The following SAP130 variants were observed in gnomAD, a reference collection of about 807,000 sequenced individuals.
SAP130 encodes the protein Sin3A associated protein 130.
SAP130 carries 16 observed loss-of-function variants against 103.2 expected under a neutral mutation model. That is an observed-to-expected ratio of 0.16 (90% CI 0.10 to 0.24). The LOEUF (loss-of-function observed/expected upper bound fraction) is 0.24, where lower values mean the gene tolerates loss of function less well. SAP130 is among the 10% of genes least tolerant of loss of function. The pLI is 1.00. For synonymous variants in SAP130, 477 were observed against 497.0 expected (o/e 0.96, Z 0.53); for missense variants, 990 against 1,359.7 (o/e 0.73, Z 4.28).
chr2:128,023,990 C>G (rs981251278), intron 2 of SAP130, among the ~76,000 whole-genome samples: 3 of 150,250 alleles, frequency 2.0e-5, no homozygotes, highest in African/African-American at 7.3e-5. Context: ...AAGGAATTAG[C>G]CAAATAAGTA....
chr2:127,978,199 C>A, intron 14 of SAP130, 110 bp from the exon 15 acceptor site: 8 of 727,116 alleles, frequency 1.1e-5, no homozygotes, highest in Non-Finnish European at 1.7e-5. Context: ...TAAAGCCCTA[C>A]ATTGACTAAG....
intron 15 of SAP130, among the ~76,000 whole-genome samples, chr2:127,975,741 T>C (rs868777450): frequency 2.6e-5 from 4 of 152,148 alleles, no homozygotes; most frequent in Non-Finnish European, 5.9e-5. Flanking sequence ...CACAGAAAGA[T>C]GGTACTATAA....
chr2:128,007,534 T>C (rs1230841776), intron 7 of SAP130, among the ~76,000 whole-genome samples: 1 of 152,216 alleles, frequency 6.6e-6, no homozygotes, highest in African/African-American at 2.4e-5. Flanking sequence ...TTTTATAAAG[T>C]TAAAATGAGC....
intron 15 of SAP130, among the ~76,000 whole-genome samples, chr2:127,963,650 T>A (rs1157582463): frequency 6.6e-6 from 1 of 152,206 alleles, no homozygotes; most frequent in East Asian, 1.9e-4. Context: ...GATTCCTATG[T>A]GTTACGAGAG....
At chr2:128,002,116 G>A (rs1040464782) in intron 7 of SAP130, among the ~76,000 whole-genome samples, 2 of 152,078 alleles carry the variant, frequency 1.3e-5, no homozygotes, top group East Asian at 1.9e-4. Flanking sequence ...TAGTAGAGAC[G>A]TGGTTTCACA....
intron 11 of SAP130, among the ~76,000 whole-genome samples, chr2:127,994,134 T>A (rs1683012329): frequency 6.6e-6 from 1 of 152,182 alleles, no homozygotes; most frequent in Non-Finnish European, 1.5e-5. Flanking sequence ...TCTATTCATG[T>A]TTTAGATAAA....
At chr2:128,009,253 T>A (rs1180887883) in intron 7 of SAP130, among the ~76,000 whole-genome samples, 1 of 152,096 alleles carries the variant, frequency 6.6e-6, no homozygotes, top group Non-Finnish European at 1.5e-5. Context: ...GAGGATCACT[T>A]GAGCCCAGGA....
chr2:128,001,489 T>G (rs1683557539), intron 7 of SAP130, among the ~76,000 whole-genome samples: 1 of 152,256 alleles, frequency 6.6e-6, no homozygotes, highest in Non-Finnish European at 1.5e-5. Context: ...GTATTCTTAT[T>G]GTTAGTAGTA....
intron 12 of SAP130, among the ~76,000 whole-genome samples, chr2:127,990,897 G>A (rs1277217509): frequency 1.4e-5 from 2 of 146,940 alleles, no homozygotes; most frequent in Non-Finnish European, 3.0e-5. Context: ...AGGTATGATT[G>A]CACCACTGCA....
At chr2:127,959,230 C>T (rs1367547119) in intron 15 of SAP130, among the ~76,000 whole-genome samples, 1 of 151,946 alleles carries the variant, frequency 6.6e-6, no homozygotes, top group East Asian at 1.9e-4. Context: ...GGACAGGGCG[C>T]TGGAGAAGCT....
At position 127,996,540 on chromosome 2, in the gene SAP130, G is replaced by A; in HGVS notation, c.1214-49C>T. ...CATGACCATTCTACACTTTTTTTTG[G>A]CATGCCAAAACATTCTTGGCTAGCA... On this transcript the variant is annotated intron_variant, in intron 10 of 20. Coordinates refer to ENST00000643581, the MANE Select transcript of SAP130 (RefSeq NM_001330301.2). This position sits in a 1 kb window ranked among gnomAD's most constrained non-coding sequence, Gnocchi z 4.3. The A allele has an allele frequency of 7.1e-7, 1 of 1,406,874 alleles. No homozygotes were observed. Among genetic ancestry groups the A allele is most frequent in the Non-Finnish European group, 9.4e-7 (1 of 1,066,268 alleles). The allele number at this position is 1,406,874 out of a possible 1,614,324, so 87.1% of individuals were successfully genotyped here.
intron 13 of SAP130, 68 bp from the exon 14 acceptor site, chr2:127,987,030 T>G: frequency 7.1e-7 from 1 of 1,402,510 alleles, no homozygotes. Context: ...AAGACATAAA[T>G]AAAAATGATG....
intron 2 of SAP130, among the ~76,000 whole-genome samples, chr2:128,021,256 G>C (rs1374496406): frequency 6.6e-6 from 1 of 151,816 alleles, no homozygotes; most frequent in Non-Finnish European, 1.5e-5. Context: ...AGACCAGCCT[G>C]GACAATATGG....
chr2:128,019,895 A>G (rs1024152256), intron 2 of SAP130, among the ~76,000 whole-genome samples: 4 of 152,158 alleles, frequency 2.6e-5, no homozygotes, highest in Admixed American at 6.5e-5. Context: ...AAAAAAATTA[A>G]GTGGAAAAAA....
Position 127,996,266 on chromosome 2 carries a change from T to C in SAP130, c.1355+84A>G. On this transcript the variant is annotated intron_variant, in intron 11 of 20. Transcript: ENST00000643581. This position sits in a 1 kb window ranked among gnomAD's most constrained non-coding sequence, Gnocchi z 4.3. ...ACATGAGTAATAAATATAGGCCATA[T>C]TTGTGGGACACTTTGTTTTATGCTG... 1.6e-6 allele frequency: 2 copies of C among 1,263,568 alleles called. No homozygotes were observed. Among genetic ancestry groups the C allele is most frequent in the South Asian group, 2.4e-5 (1 of 41,810 alleles). 78.3% of individuals were successfully genotyped at this position (1,263,568 alleles called of 1,614,324 possible). A position where few individuals can be genotyped will look rare whatever the true frequency, so the allele number is the denominator to read the frequency against.
At chr2:127,959,885 T>C (rs1241893812) in intron 15 of SAP130, among the ~76,000 whole-genome samples, 1 of 152,000 alleles carries the variant, frequency 6.6e-6, no homozygotes, top group African/African-American at 2.4e-5. Context: ...AAATAAAAAA[T>C]GTAATAACTG....
chr2:127,959,752 T>C (rs74267920), intron 15 of SAP130, among the ~76,000 whole-genome samples: 26,929 of 152,176 alleles, frequency 0.18, 3,149 homozygotes, highest in South Asian at 0.38. Flanking sequence ...TTAAAGTAGA[T>C]ATCATAAATA....
intron 10 of SAP130, among the ~76,000 whole-genome samples, chr2:127,998,514 TATC>T (rs1308534160): frequency 6.6e-6 from 1 of 152,256 alleles, no homozygotes; most frequent in Non-Finnish European, 1.5e-5. Context: ...TCTAGGGTTA[TATC>T]AGGTTTCCCT....
chr2:128,001,141 G>A (rs747414140), intron 7 of SAP130, among the ~76,000 whole-genome samples: 7 of 152,182 alleles, frequency 4.6e-5, no homozygotes, highest in African/African-American at 7.2e-5. Context: ...GCTGCCTCAG[G>A]ATTGGAAGGG....
Sources: gnomAD v4.1 joint callset for allele counts (sites outside exome capture counted in the v4.1 genomes callset) on GRCh38, gnomAD v4.1.1 for gene constraint, Gnocchi (gnomAD v3.1) non-coding constraint, MANE v1.5 for transcripts, NCBI Gene and HGNC (gene_info 2026-07-23, HGNC 2026-07-21) for gene names.